The following MSI2 variants were observed in gnomAD, a reference collection of about 807,000 sequenced individuals.
MSI2 encodes the protein RNA-binding protein Musashi homolog 2.
A neutral mutation model predicts 45.6 loss-of-function variants in MSI2; 17 were observed. The ratio of observed to expected loss-of-function variants is 0.37; its 90% CI spans 0.26 to 0.56. The LOEUF is 0.56. Ranked by LOEUF, MSI2 falls within the 20% of genes least tolerant of loss-of-function variation. The probability of loss-of-function intolerance (pLI) is 0.77; values close to 1 mark genes in which losing one functional copy is unlikely to be tolerated. For synonymous variants in MSI2, 156 were observed against 158.2 expected, an observed-to-expected ratio of 0.99 and a Z score of 0.11; for missense variants, 293 against 444.2, an observed-to-expected ratio of 0.66 and a Z score of 3.06.
chr17:57,352,234 C>G (rs953447501), intron 5 of MSI2, among the ~76,000 whole-genome samples: 4 of 152,178 alleles, frequency 2.6e-5, no homozygotes, highest in African/African-American at 9.7e-5. Flanking sequence ...GTGGTCTACT[C>G]TGAGGTTCAC....
chr17:57,497,276 C>T (rs974004073), intron 6 of MSI2, among the ~76,000 whole-genome samples: 2 of 152,240 alleles, frequency 1.3e-5, no homozygotes, highest in African/African-American at 4.8e-5. Context: ...TGCACCCAGC[C>T]TATTGGACCC....
At chr17:57,472,461 G>C (rs2085456159) in intron 6 of MSI2, among the ~76,000 whole-genome samples, 1 of 151,810 alleles carries the variant, frequency 6.6e-6, no homozygotes, top group Non-Finnish European at 1.5e-5. Flanking sequence ...ATAGTAGGCA[G>C]GGGGAGGGGC....
intron 5 of MSI2, among the ~76,000 whole-genome samples, chr17:57,353,143 G>T (rs1437315242): frequency 2.6e-5 from 4 of 152,128 alleles, no homozygotes; most frequent in Non-Finnish European, 4.4e-5. Flanking sequence ...CCGAAAATGC[G>T]CTCTCCTCCA....
the MSI2 span, among the ~76,000 whole-genome samples, chr17:57,698,926 T>TGTGTGTGTGTGC: frequency 1.5e-5 from 2 of 134,020 alleles, no homozygotes; most frequent in African/African-American, 6.3e-5. Flanking sequence ...TGTGTGTGTG[T>TGTGTGTGTGTGC]GTGTGTGTGT....
rs912218204 is a variant in MSI2 at position 57,492,807 on chromosome 17, G to C, written c.406-36869G>C. Among the ~76,000 whole-genome samples the C allele has an allele frequency of 3.3e-5, 5 of 152,294 alleles. No homozygotes were observed. The South Asian group carries it at 1.0e-3, about 32-fold the overall frequency. On this transcript the variant is annotated intron_variant, in intron 6 of 13. Coordinates refer to ENST00000284073, the MANE Select transcript of MSI2 (RefSeq NM_138962.4). ...AGACGGTGTTTTACCATGTTGGCTAGACTGGTCTCAAACTCCTGACCTCAG... is the reference window on the plus strand; with the variant it reads ...AGACGGTGTTTTACCATGTTGGCTACACTGGTCTCAAACTCCTGACCTCAG...
At chr17:57,521,095 T>A (rs2086574694) in intron 6 of MSI2, among the ~76,000 whole-genome samples, 1 of 152,226 alleles carries the variant, frequency 6.6e-6, no homozygotes. Context: ...AGGAAAAACG[T>A]GCCTGGCAGC....
intron 6 of MSI2, among the ~76,000 whole-genome samples, chr17:57,500,562 G>A (rs907812335): frequency 6.6e-6 from 1 of 151,904 alleles, no homozygotes; most frequent in Non-Finnish European, 1.5e-5. Flanking sequence ...GTCAGGAGAG[G>A]AAGGGCCATC....
intron 9 of MSI2, chr17:57,626,194 A>G (rs1448409287): frequency 6.6e-6 from 1 of 152,182 alleles, no homozygotes; most frequent in Non-Finnish European, 1.5e-5. Context: ...TCCAAAGTCA[A>G]AGCGAAAGTC....
rs546145837 is a variant in MSI2, at chr17:57,503,085, G to A, written c.406-26591G>A. 1.8e-4 allele frequency among the ~76,000 whole-genome samples: 28 copies of A among 152,070 alleles called. No individual in the cohort carries two copies. In the South Asian group the frequency reaches 5.4e-3, roughly 29 times the overall value. On this transcript the variant is annotated intron_variant, in intron 6 of 13. Coordinates refer to ENST00000284073, the MANE Select transcript of MSI2 (RefSeq NM_138962.4). ...ATGCACATTCACCAGGCCTATCTCC[G>A]TCTGTTCCATTGATTGTCCCCAGTT... is the stretch of plus-strand genomic sequence containing the variant.
At chr17:57,564,206 A>G (rs1190154379) in intron 7 of MSI2, among the ~76,000 whole-genome samples, 1 of 152,190 alleles carries the variant, frequency 6.6e-6, no homozygotes, top group Non-Finnish European at 1.5e-5. Context: ...TGAGTGCAGC[A>G]GTAATTAAGA....
chr17:57,569,682 T>G (rs1241785983), intron 7 of MSI2, among the ~76,000 whole-genome samples: 1 of 152,228 alleles, frequency 6.6e-6, no homozygotes, highest in African/African-American at 2.4e-5. Flanking sequence ...AAATACTTTT[T>G]AAGGTGGTGA....
chr17:57,378,132 C>T (rs571503266), intron 5 of MSI2, among the ~76,000 whole-genome samples: 19 of 151,350 alleles, frequency 1.3e-4, no homozygotes, highest in Admixed American at 3.3e-4. Flanking sequence ...TTTTTTGAGG[C>T]GGAGTTTTGC....
intron 5 of MSI2, among the ~76,000 whole-genome samples, chr17:57,345,686 G>A (rs1915539184): frequency 6.6e-6 from 1 of 151,910 alleles, no homozygotes; most frequent in Admixed American, 6.6e-5. Context: ...GGGTGTGGTG[G>A]TGCATGCCTG....
At chr17:57,534,839 A>T (rs2086890643) in intron 7 of MSI2, among the ~76,000 whole-genome samples, 1 of 152,242 alleles carries the variant, frequency 6.6e-6, no homozygotes, top group Non-Finnish European at 1.5e-5. Flanking sequence ...CAATCTTCTC[A>T]GAGTCACTTC....
intron 5 of MSI2, among the ~76,000 whole-genome samples, chr17:57,332,985 A>G (rs928704842): frequency 6.6e-5 from 10 of 152,042 alleles, no homozygotes; most frequent in Non-Finnish European, 1.0e-4. Flanking sequence ...AGATCATGCC[A>G]CTGCACTCCA....
chr17:57,258,701 C>G (rs527746206), intron 4 of MSI2, among the ~76,000 whole-genome samples: 20 of 152,206 alleles, frequency 1.3e-4, no homozygotes, highest in Non-Finnish European at 2.5e-4. Context: ...GCGTTACCAA[C>G]TGTGGCTGTG....
At chr17:57,467,187 C>T (rs2085344837) in intron 6 of MSI2, among the ~76,000 whole-genome samples, 2 of 152,242 alleles carry the variant, frequency 1.3e-5, no homozygotes, top group African/African-American at 4.8e-5. Context: ...TCCCTGAAGA[C>T]AGGCATTGCT....
At chr17:57,546,900 C>G (rs1326044207) in intron 7 of MSI2, among the ~76,000 whole-genome samples, 1 of 152,176 alleles carries the variant, frequency 6.6e-6, no homozygotes, top group Non-Finnish European at 1.5e-5. Context: ...CAAGGCAGGC[C>G]AAATCCCAGC....
intron 5 of MSI2, among the ~76,000 whole-genome samples, chr17:57,374,672 G>A (rs370389543): frequency 1.8e-4 from 27 of 152,188 alleles, no homozygotes; most frequent in Admixed American, 2.6e-4. Context: ...CCAGCTACTC[G>A]GGAGGTTGAG....
Sources: gnomAD v4.1 joint callset for allele counts (sites outside exome capture counted in the v4.1 genomes callset) on GRCh38, gnomAD v4.1.1 for gene constraint, MANE v1.5 for transcripts, NCBI Gene and HGNC (gene_info 2026-07-23, HGNC 2026-07-21) for gene names.